YEATS2: variants seen among roughly 807,000 people sequenced by gnomAD.
The protein encoded by YEATS2 is YEATS domain containing 2.
Under a neutral mutation model 163.2 loss-of-function variants are expected in YEATS2, and 77 were observed. The observed-to-expected ratio is 0.47, with a 90% CI of 0.39 to 0.57. The LOEUF (loss-of-function observed/expected upper bound fraction) is 0.57, where lower values mean the gene tolerates loss of function less well. YEATS2 is among the 20% of genes least tolerant of loss of function. The pLI is 0.00. For missense variants in YEATS2, 1,549 were observed against 1,729.8 expected (o/e 0.90, Z 1.85); for synonymous variants, 631 against 645.1 (o/e 0.98, Z 0.33).
chr3:183,797,864 A>G (rs1327865328), intron 21 of YEATS2, 59 bp from the exon 22 acceptor site: 74 of 1,607,810 alleles, frequency 4.6e-5, no homozygotes, highest in Non-Finnish European at 6.1e-5. Context: ...CACAGAGGAT[A>G]AGAGACTTTC....
Position 183,735,403 on chromosome 3 carries a change from C to A in YEATS2, c.813-1315C>A, listed in dbSNP as rs145684462. Among the ~76,000 whole-genome samples, 5 of 152,334 alleles carry A rather than the reference C, an allele frequency of 3.3e-5. No individual in the cohort carries two copies. The East Asian group carries it at 9.6e-4, about 29-fold the overall frequency. On this transcript the variant is annotated intron_variant, in intron 7 of 30. Coordinates refer to ENST00000305135, the MANE Select transcript of YEATS2 (RefSeq NM_018023.5). ...CAAGTGTGAATCTATACCAACGTCA[C>A]AGCTGCTTCTCTTAGCTCCTTTGCA...
intron 9 of YEATS2, among the ~76,000 whole-genome samples, chr3:183,748,559 C>T (rs1207782936): frequency 6.6e-6 from 1 of 151,776 alleles, no homozygotes; most frequent in Non-Finnish European, 1.5e-5. Context: ...GCGTGAGCCA[C>T]CACACCAGGC....
intron 15 of YEATS2, among the ~76,000 whole-genome samples, chr3:183,768,948 G>T (rs1262626198): frequency 6.6e-6 from 1 of 152,158 alleles, no homozygotes; most frequent in African/African-American, 2.4e-5. Context: ...CTCCAGCCTG[G>T]GCAACAAGAG....
chr3:183,772,941 C>G (rs1722631491), intron 16 of YEATS2, among the ~76,000 whole-genome samples: 1 of 152,122 alleles, frequency 6.6e-6, no homozygotes, highest in African/African-American at 2.4e-5. Context: ...CTCTGATGTA[C>G]TTTACTTTAT....
intron 1 of YEATS2, among the ~76,000 whole-genome samples, chr3:183,713,055 C>T (rs1715441370): frequency 6.6e-6 from 1 of 152,148 alleles, no homozygotes; most frequent in South Asian, 2.1e-4. Context: ...GCCACCTTGC[C>T]TGTACATGGC....
intron 1 of YEATS2, among the ~76,000 whole-genome samples, chr3:183,708,638 A>G (rs1714868515): frequency 6.6e-6 from 1 of 152,160 alleles, no homozygotes. Context: ...GGCCAAGGCC[A>G]GAGGATCTCT....
At chr3:183,702,829 C>G (rs1275589303) in intron 1 of YEATS2, among the ~76,000 whole-genome samples, 1 of 143,286 alleles carries the variant, frequency 7.0e-6, no homozygotes, top group African/African-American at 2.6e-5. Context: ...AAGACTCTCT[C>G]TCTCAAAAAA....
chr3:183,748,578 TTTCTC>T (rs1483373668), intron 9 of YEATS2, among the ~76,000 whole-genome samples: 2 of 151,330 alleles, frequency 1.3e-5, no homozygotes, highest in East Asian at 3.9e-4. Context: ...GCTTTCTCCT[TTTCTC>T]TTCTCTTTTC....
rs763853315 is a variant in YEATS2 at position 183,777,727 on chromosome 3, A to C, written c.2736+27A>C. On this transcript the variant is annotated intron_variant, in intron 19 of 30. Coordinates refer to ENST00000305135, the MANE Select transcript of YEATS2 (RefSeq NM_018023.5). ...TAAATACGCCCATGCACACACCCCAAATATGGGGTGATTATGGCATTTATT... is the reference window on the plus strand; with the variant it reads ...TAAATACGCCCATGCACACACCCCACATATGGGGTGATTATGGCATTTATT... The C allele has an allele frequency of 1.7e-5, 27 of 1,589,670 alleles. No individual in the cohort carries two copies. In the African/African-American group the frequency reaches 2.8e-4, roughly 17 times the overall value.
chr3:183,750,970 A>AT (rs966262963), intron 9 of YEATS2, among the ~76,000 whole-genome samples: 13 of 152,048 alleles, frequency 8.5e-5, no homozygotes, highest in Admixed American at 5.2e-4. Flanking sequence ...CCGTTTGTCT[A>AT]TTTTTTATTT....
At position 183,807,105 on chromosome 3, in the gene YEATS2, G is replaced by T; in HGVS notation, c.4011+13G>T. On this transcript the variant is annotated intron_variant, in intron 28 of 30. Transcript: ENST00000305135. The stretch of plus-strand genomic sequence containing the variant: ...TGTCACACAGAAGGTAGGGGTTGTG[G>T]TGTTAATAGTTCATGCAGCAGACCA... The T allele has an allele frequency of 6.2e-7, 1 of 1,606,632 alleles. No individual in the cohort carries two copies. The highest frequency in any genetic ancestry group is 8.5e-7 in the Non-Finnish European group (1 of 1,176,212).
At chr3:183,747,532 GA>G (rs1392527635) in intron 8 of YEATS2, 139 bp from the exon 9 acceptor site, 6 of 430,934 alleles carry the variant, frequency 1.4e-5, no homozygotes, top group Non-Finnish European at 2.4e-5. Flanking sequence ...TTGAAGTGAT[GA>G]ATTTATATTT....
At chr3:183,786,392 T>C in intron 20 of YEATS2, 91 bp downstream of exon 20, 2 of 1,275,670 alleles carry the variant, frequency 1.6e-6, no homozygotes, top group Non-Finnish European at 2.1e-6. Context: ...CCAGTGGACC[T>C]TTTAAAAATA....
chr3:183,791,060 G>A (rs139701545), intron 21 of YEATS2, 80 bp downstream of exon 21: 167 of 1,525,276 alleles, frequency 1.1e-4, no homozygotes, highest in Non-Finnish European at 1.4e-4. Context: ...TTGAGATAGC[G>A]TCTCACTCTG....
rs1247168476 is a variant in YEATS2 at position 183,721,891 on chromosome 3, G to C, written c.292G>C (p.Gly98Arg). 3.1e-6 allele frequency: 5 copies of C among 1,607,304 alleles called. No individual in the cohort carries two copies. The Admixed American group carries it at 8.5e-5, about 27-fold the overall frequency. The change falls in exon 5 of 31, where the codon GGA becomes CGA. Residue 98 changes from glycine (G) to arginine (R), a missense_variant and splice_region_variant. Physicochemically the swap from Gly to Arg is moderately radical, Grantham distance 125. Transcript: ENST00000305135. ...ASAGLLKVSE[G>R]SKTCDTMVFN... is the part of the protein sequence containing the mutation. Reference sequence around the variant, plus strand: ...ATTTGCTTGCTTTCATTTTTTGTAGGGATCAAAGACATGTGATACAATGGT... The same window carrying C: ...ATTTGCTTGCTTTCATTTTTTGTAGCGATCAAAGACATGTGATACAATGGT...
chr3:183,746,457 C>G (rs760770964), intron 8 of YEATS2, among the ~76,000 whole-genome samples: 2 of 152,142 alleles, frequency 1.3e-5, no homozygotes, highest in Non-Finnish European at 2.9e-5. Flanking sequence ...CATTTCTACT[C>G]CAGGCAAAAC....
chr3:183,775,632 T>C (rs1722911341), intron 17 of YEATS2, among the ~76,000 whole-genome samples: 1 of 152,126 alleles, frequency 6.6e-6, no homozygotes, highest in South Asian at 2.1e-4. Context: ...TAGCAAGCCT[T>C]CTCTTGATCT....
intron 9 of YEATS2, among the ~76,000 whole-genome samples, chr3:183,749,483 T>G (rs1195112831): frequency 6.6e-6 from 1 of 152,136 alleles, no homozygotes; most frequent in African/African-American, 2.4e-5. Flanking sequence ...CTACTTTCTG[T>G]CTGTGTGAAT....
chr3:183,781,655 C>G lies in YEATS2; in HGVS notation c.2736+3955C>G, dbSNP rs372965565. Among the ~76,000 whole-genome samples, 21 of 152,276 alleles carry G rather than the reference C, an allele frequency of 1.4e-4. 1 individual carries two copies. The highest frequency in any genetic ancestry group is 5.2e-4 in the Admixed American group (8 of 15,298). ...AGCTTTAAATGCTTTTTCCTTTTAGCCCCACATCCTTAAAGATATAATAAA... is the reference window on the plus strand; with the variant it reads ...AGCTTTAAATGCTTTTTCCTTTTAGGCCCACATCCTTAAAGATATAATAAA... On this transcript the variant is annotated intron_variant, in intron 19 of 30. Transcript: ENST00000305135.
Sources: gnomAD v4.1 joint callset for allele counts (sites outside exome capture counted in the v4.1 genomes callset) on GRCh38, gnomAD v4.1.1 for gene constraint, MANE v1.5 for transcripts, NCBI Gene and HGNC (gene_info 2026-07-23, HGNC 2026-07-21) for gene names.